The following LMOD1 variants were observed in gnomAD, a reference collection of about 807,000 sequenced individuals.
The protein encoded by LMOD1 is leiomodin 1, also known as leiomodin-1.
A neutral mutation model predicts 36.5 loss-of-function variants in LMOD1; 8 were observed. That is an observed-to-expected ratio of 0.22 (90% CI 0.13 to 0.40). LMOD1 has a LOEUF of 0.40. Ranked by LOEUF, LMOD1 falls within the 10% of genes least tolerant of loss-of-function variation. The pLI is 1.00. For synonymous variants in LMOD1, 284 were observed against 288.7 expected (o/e 0.98, Z 0.17); for missense variants, 630 against 751.1 (o/e 0.84, Z 1.88).
At chr1:201,917,440 T>C (rs1217357984) in intron 1 of LMOD1, among the ~76,000 whole-genome samples, 1 of 152,030 alleles carries the variant, frequency 6.6e-6, no homozygotes, top group Non-Finnish European at 1.5e-5. Flanking sequence ...GTCAGCGCCA[T>C]TCTGGCTTCT....
At chr1:201,932,358 G>A (rs1412319559) in intron 1 of LMOD1, among the ~76,000 whole-genome samples, 1 of 152,088 alleles carries the variant, frequency 6.6e-6, no homozygotes, top group Non-Finnish European at 1.5e-5. Flanking sequence ...CTGGGCTTTA[G>A]TGAAGTGTCC....
At chr1:201,924,232 G>A (rs1489208623) in intron 1 of LMOD1, among the ~76,000 whole-genome samples, 1 of 150,984 alleles carries the variant, frequency 6.6e-6, no homozygotes, top group African/African-American at 2.4e-5. Flanking sequence ...GCTGAGGCAG[G>A]AGAATGGCGT....
chr1:201,944,271 G>A (rs1287238711), intron 1 of LMOD1, among the ~76,000 whole-genome samples: 4 of 152,294 alleles, frequency 2.6e-5, no homozygotes, highest in Non-Finnish European at 4.4e-5. Context: ...CACTTGTCAC[G>A]GTATTAACTG....
At position 201,901,546 on chromosome 1, in the gene LMOD1, A is replaced by ACATATATATATGTG. The variant is rs1259968040; in HGVS notation, c.262-796_262-795insCACATATATATATG. ...TATATATATGTATATATATATATAT[A>ACATATATATATGTG]TATATACATATATATATGTATATAT... On this transcript the variant is annotated intron_variant, in intron 1 of 2. Transcript: ENST00000367288. Among the ~76,000 whole-genome samples, 7 of 43,666 alleles carry ACATATATATATGTG rather than the reference A, an allele frequency of 1.6e-4. 1 individual carries two copies. The highest frequency in any genetic ancestry group is 7.2e-4 in the African/African-American group (6 of 8,324). The allele number at this position is 43,666 out of a possible 152,430, so 28.6% of individuals were successfully genotyped here. A position where few individuals can be genotyped will look rare whatever the true frequency, so the allele number is the denominator to read the frequency against.
chr1:201,911,494 A>G (rs1681496468), intron 1 of LMOD1, among the ~76,000 whole-genome samples: 1 of 152,058 alleles, frequency 6.6e-6, no homozygotes, highest in Non-Finnish European at 1.5e-5. Flanking sequence ...GTGAAACCCC[A>G]CCTGTACTAA....
intron 1 of LMOD1, among the ~76,000 whole-genome samples, chr1:201,935,303 T>C (rs1681997774): frequency 6.7e-6 from 1 of 150,226 alleles, no homozygotes; most frequent in African/African-American, 2.4e-5. Flanking sequence ...CTAAGCTATT[T>C]GGTGAATTTG....
At chr1:201,905,240 G>A (rs539950802) in intron 1 of LMOD1, among the ~76,000 whole-genome samples, 2 of 152,328 alleles carry the variant, frequency 1.3e-5, no homozygotes, top group Middle Eastern at 3.4e-3. Flanking sequence ...AGCCGGTACT[G>A]ACCTGTGACA....
chr1:201,919,194 G>A (rs189993575), intron 1 of LMOD1, among the ~76,000 whole-genome samples: 1 of 146,382 alleles, frequency 6.8e-6, no homozygotes, highest in Non-Finnish European at 1.5e-5. Context: ...TGGCCTCAGT[G>A]TGTATCTCTA....
chr1:201,940,183 CTTTT>C lies in LMOD1; in HGVS notation c.261+5893_261+5896del, dbSNP rs34390949. Among the ~76,000 whole-genome samples the C allele has an allele frequency of 7.6e-3, 939 of 123,366 alleles. 4 individuals carry two copies. Among genetic ancestry groups the C allele is most frequent in the African/African-American group, 0.026 (882 of 33,348 alleles). 80.9% of individuals were successfully genotyped at this position (123,366 alleles called of 152,430 possible). A position where few individuals can be genotyped will look rare whatever the true frequency, so the allele number is the denominator to read the frequency against. ...CTTGCATTTTCCATCCAGCCAAGCT[CTTTT>C]TTTTTTTTTTTTTTTTTTGAGATGG... On this transcript the variant is annotated intron_variant, in intron 1 of 2. Coordinates refer to ENST00000367288, the MANE Select transcript of LMOD1 (RefSeq NM_012134.3).
rs1275990120 is a variant in LMOD1, at chr1:201,946,139, T to A, written c.202A>T (p.Met68Leu). The change falls in exon 1 of 3, where the codon ATG becomes TTG. Residue 68 changes from methionine (M) to leucine (L), a missense_variant. Met to Leu is a conservative substitution (Grantham distance 15). This residue lies in a region of LMOD1 where 405 missense variants were observed against 400.6 expected (regional missense o/e 1.01). Coordinates refer to ENST00000367288, the MANE Select transcript of LMOD1 (RefSeq NM_012134.3). ...QSTGVYNREA[M>L]LNFCEKETKK... ...GTCTCCTTTTCACAGAAGTTGAGCA[T>A]GGCCTCCCGGTTGTACACACCCGTG... 1 of 1,614,032 alleles carries A rather than the reference T, an allele frequency of 6.2e-7. No individual in the cohort carries two copies. The highest frequency in any genetic ancestry group is 1.7e-5 in the Admixed American group (1 of 60,028).
At chr1:201,912,156 A>G (rs2644121) in intron 1 of LMOD1, among the ~76,000 whole-genome samples, 48,937 of 152,072 alleles carry the variant, frequency 0.32, 8,109 homozygotes, top group African/African-American at 0.34. Flanking sequence ...GGAGGAGTGG[A>G]AGTTTGGTAA....
intron 1 of LMOD1, among the ~76,000 whole-genome samples, chr1:201,910,627 G>C (rs1681478771): frequency 6.6e-6 from 1 of 151,214 alleles, no homozygotes; most frequent in Non-Finnish European, 1.5e-5. Flanking sequence ...TCACATTACT[G>C]TGGTGCCTAA....
Position 201,931,256 on chromosome 1 carries a change from C to T in LMOD1, c.261+14824G>A, listed in dbSNP as rs115803212. 8.8e-3 allele frequency among the ~76,000 whole-genome samples: 1,342 copies of T among 152,248 alleles called. 23 individuals carry two copies. Among genetic ancestry groups the T allele is most frequent in the African/African-American group, 0.031 (1,281 of 41,534 alleles). On this transcript the variant is annotated intron_variant, in intron 1 of 2. Coordinates refer to ENST00000367288, the MANE Select transcript of LMOD1 (RefSeq NM_012134.3). ...ATGGGATAAAAGAGAAACGGAAGGCCGGGTTCGGTGGCTCACGCCTGTAAT... is the reference window on the plus strand; with the variant it reads ...ATGGGATAAAAGAGAAACGGAAGGCTGGGTTCGGTGGCTCACGCCTGTAAT...
chr1:201,901,512 ATAT>A (rs1411077198), intron 1 of LMOD1, among the ~76,000 whole-genome samples: 2 of 35,000 alleles, frequency 5.7e-5, no homozygotes, highest in South Asian at 8.4e-4. Context: ...CAAAAAAAAA[ATAT>A]ATATATATAT....
chr1:201,930,425 C>T (rs551352190), intron 1 of LMOD1, among the ~76,000 whole-genome samples: 23 of 152,212 alleles, frequency 1.5e-4, no homozygotes, highest in African/African-American at 5.1e-4. Context: ...GATCCTATCA[C>T]TAGGAAAGTC....
At chr1:201,928,344 C>T (rs1224372657) in intron 1 of LMOD1, among the ~76,000 whole-genome samples, 1 of 152,182 alleles carries the variant, frequency 6.6e-6, no homozygotes, top group African/African-American at 2.4e-5. Context: ...CTACAAGGAC[C>T]TAATCCCAGC....
intron 1 of LMOD1, among the ~76,000 whole-genome samples, chr1:201,933,668 C>A (rs1183769781): frequency 6.9e-6 from 1 of 144,794 alleles, no homozygotes; most frequent in Non-Finnish European, 1.5e-5. Context: ...TAGGGGCTAT[C>A]TTTGGAGAGG....
chr1:201,901,660 GT>G (rs1558234912), intron 1 of LMOD1, among the ~76,000 whole-genome samples: 1 of 85,614 alleles, frequency 1.2e-5, no homozygotes, highest in Non-Finnish European at 2.2e-5. Flanking sequence ...ATATATATGT[GT>G]ATATATATAT....
chr1:201,931,249 G>A (rs1681912788), intron 1 of LMOD1, among the ~76,000 whole-genome samples: 1 of 152,126 alleles, frequency 6.6e-6, no homozygotes, highest in African/African-American at 2.4e-5. Flanking sequence ...AAAGAGAAAC[G>A]GAAGGCCGGG....
Sources: allele counts gnomAD v4.1 joint callset (sites outside exome capture counted in the v4.1 genomes callset), GRCh38; gene constraint gnomAD v4.1.1; regional missense constraint gnomAD v4.1.1; transcripts MANE v1.5; gene names NCBI Gene and HGNC (gene_info 2026-07-23, HGNC 2026-07-21).